The following MED13 variants were observed in gnomAD, a reference collection of about 807,000 sequenced individuals.
MED13 encodes mediator of RNA polymerase II transcription subunit 13.
A neutral mutation model predicts 225.2 loss-of-function variants in MED13; 23 were observed. That is an observed-to-expected ratio of 0.10 (90% CI 0.07 to 0.14). The LOEUF (loss-of-function observed/expected upper bound fraction) is 0.14, where lower values mean the gene tolerates loss of function less well. Among genes scored for constraint, MED13 ranks in the 10% least tolerant of loss-of-function variants. The probability of loss-of-function intolerance (pLI) is 1.00; values close to 1 mark genes in which losing one functional copy is unlikely to be tolerated. For missense variants in MED13, 2,197 were observed against 2,594.5 expected (o/e 0.85, Z 3.33); for synonymous variants, 942 against 889.2 (o/e 1.06, Z -1.06).
chr17:62,046,705 C>T (rs1271172570), intron 3 of MED13, among the ~76,000 whole-genome samples: 2 of 151,972 alleles, frequency 1.3e-5, no homozygotes, highest in African/African-American at 2.4e-5. Flanking sequence ...GCCTTGGTAG[C>T]GTGCACCTGT....
chr17:62,003,770 A>G (rs779509911), intron 9 of MED13: 2 of 152,158 alleles, frequency 1.3e-5, no homozygotes, highest in Non-Finnish European at 2.9e-5. Flanking sequence ...GTGACAAGGA[A>G]TAGGCAAAGC....
At position 61,955,702 on chromosome 17, in the gene MED13, T is replaced by C. The variant is rs1255567249; in HGVS notation, c.5760A>G (p.Gln1920=). ...AACCTGGCATAATAACAAAAGAGCC[T>C]TGCGGCTCCATTGCCACCAAGCAAG... is the stretch of plus-strand genomic sequence containing the variant. ...LSACLVAMEP[Q]GSFVIMPDSV... Residue 1920 remains glutamine (Q), a synonymous_variant, in exon 25 of 30, where the codon CAA becomes CAG. Transcript: ENST00000397786. 3 of 1,605,550 alleles carry C rather than the reference T, an allele frequency of 1.9e-6. No individual in the cohort carries two copies. The highest frequency in any genetic ancestry group is 2.5e-6 in the Non-Finnish European group (3 of 1,177,806).
intron 27 of MED13, among the ~76,000 whole-genome samples, chr17:61,951,584 C>T (rs1264150034): frequency 6.6e-6 from 1 of 152,068 alleles, no homozygotes; most frequent in Non-Finnish European, 1.5e-5. Context: ...AAAAATCTTA[C>T]ATGTCCAATA....
chr17:62,028,811 C>T (rs2080726791), intron 8 of MED13, among the ~76,000 whole-genome samples: 2 of 151,710 alleles, frequency 1.3e-5, no homozygotes, highest in South Asian at 2.1e-4. Context: ...CGCCACTGCA[C>T]TCCAGACCAG....
chr17:62,000,421 C>T (rs2080384256), intron 9 of MED13, among the ~76,000 whole-genome samples: 1 of 152,190 alleles, frequency 6.6e-6, no homozygotes, highest in African/African-American at 2.4e-5. Flanking sequence ...TCTCAGCAGG[C>T]ACCTCAAACT....
chr17:62,063,015 G>A (rs1352100688), intron 2 of MED13, 52 bp downstream of exon 2: 2 of 1,343,174 alleles, frequency 1.5e-6, no homozygotes, highest in Non-Finnish European at 2.1e-6. Flanking sequence ...CATTCTGGGA[G>A]AAGTATACAA....
At chr17:62,016,287 T>G (rs1029160256) in intron 8 of MED13, among the ~76,000 whole-genome samples, 1 of 151,546 alleles carries the variant, frequency 6.6e-6, no homozygotes, top group East Asian at 2.0e-4. Flanking sequence ...TAGCGCTCAC[T>G]ACAGCCTCCC....
intron 9 of MED13, chr17:62,003,621 A>AAAAAAAAAAAAAAC (rs10679175): frequency 6.9e-6 from 1 of 144,542 alleles, no homozygotes; most frequent in African/African-American, 2.6e-5. Flanking sequence ...AAAAAAAAAA[A>AAAAAAAAAAAAAAC]GCAAAAAGTG....
chr17:61,964,118 T>G (rs559254153), intron 20 of MED13, among the ~76,000 whole-genome samples: 9 of 152,272 alleles, frequency 5.9e-5, no homozygotes, highest in African/African-American at 1.7e-4. Context: ...CCAGAGTGAT[T>G]TGCACAGGCA....
rs545347441 is a variant in MED13 at position 61,995,918 on chromosome 17, T to C, written c.1968-553A>G. 5.3e-5 allele frequency among the ~76,000 whole-genome samples: 8 copies of C among 152,306 alleles called. No homozygotes were observed. In the East Asian group the frequency reaches 1.5e-3, roughly 29 times the overall value. ...TTAATTCTGGCAAGATGTTTCACAA[T>C]GGAAAGTGAAGTTTCAGTGCAAGTA... On this transcript the variant is annotated intron_variant, in intron 9 of 29. Coordinates refer to ENST00000397786, the MANE Select transcript of MED13 (RefSeq NM_005121.3).
At chr17:61,969,391 G>A (rs150644118) in intron 17 of MED13, among the ~76,000 whole-genome samples, 176 of 152,020 alleles carry the variant, frequency 1.2e-3, no homozygotes, top group African/African-American at 3.8e-3. Flanking sequence ...AAAATACACT[G>A]TAGGCCAGGT....
chr17:62,041,750 A>G (rs2080854918), intron 3 of MED13, among the ~76,000 whole-genome samples: 1 of 152,070 alleles, frequency 6.6e-6, no homozygotes, highest in Non-Finnish European at 1.5e-5. Flanking sequence ...GATAATTTTT[A>G]GAATTTATTT....
Position 61,950,808 on chromosome 17 carries a change from G to A in MED13, c.6291+17C>T. On this transcript the variant is annotated intron_variant, in intron 28 of 29. Transcript: ENST00000397786. ...TCAATCAGAATTATTTAGGAACTGG[G>A]ACAGAAATGGCAATACCTTAAGAAA... 2 of 1,598,238 alleles carry A rather than the reference G, an allele frequency of 1.3e-6. No homozygotes were observed. The highest frequency in any genetic ancestry group is 1.7e-6 in the Non-Finnish European group (2 of 1,171,850).
At chr17:62,003,939 A>C (rs2080421786) in intron 9 of MED13, 4 of 152,224 alleles carry the variant, frequency 2.6e-5, no homozygotes, top group Non-Finnish European at 5.9e-5. Flanking sequence ...AACTTCTAAG[A>C]GACCTTCATT....
At chr17:61,957,435 C>T (rs1396435231) in intron 23 of MED13, among the ~76,000 whole-genome samples, 1 of 151,230 alleles carries the variant, frequency 6.6e-6, no homozygotes, top group African/African-American at 2.4e-5. Context: ...CTGCAACCTC[C>T]GCCTCCTGGG....
At chr17:62,062,712 A>C (rs1019456800) in intron 2 of MED13, among the ~76,000 whole-genome samples, 2 of 152,172 alleles carry the variant, frequency 1.3e-5, no homozygotes, top group African/African-American at 4.8e-5. Flanking sequence ...AAGTGACTCA[A>C]AAGTTACATC....
At chr17:62,057,609 T>C (rs2081005969) in intron 2 of MED13, among the ~76,000 whole-genome samples, 1 of 152,250 alleles carries the variant, frequency 6.6e-6, no homozygotes, top group Non-Finnish European at 1.5e-5. Context: ...TATCTGTCAA[T>C]CCTATTAACA....
chr17:61,974,069 TTAAA>T (rs1161321917), intron 16 of MED13, among the ~76,000 whole-genome samples: 2 of 152,160 alleles, frequency 1.3e-5, no homozygotes, highest in African/African-American at 4.8e-5. Flanking sequence ...TGTAATATGC[TTAAA>T]TAAACTTTTG....
intron 26 of MED13, among the ~76,000 whole-genome samples, chr17:61,953,517 T>C (rs1232828924): frequency 2.6e-5 from 4 of 152,158 alleles, no homozygotes; most frequent in Non-Finnish European, 5.9e-5. Context: ...GTGATGACAC[T>C]ATACTGCTGG....
Sources: allele counts gnomAD v4.1 joint callset (sites outside exome capture counted in the v4.1 genomes callset), GRCh38; gene constraint gnomAD v4.1.1; transcripts MANE v1.5; gene names NCBI Gene and HGNC (gene_info 2026-07-23, HGNC 2026-07-21).